The following HPSE2 variants were observed in gnomAD, a reference collection of about 807,000 sequenced individuals.
HPSE2 encodes the protein heparanase 2 (inactive).
Under a neutral mutation model 60.5 loss-of-function variants are expected in HPSE2, and 38 were observed. The observed-to-expected ratio is 0.63, with a 90% CI of 0.48 to 0.82. The LOEUF (loss-of-function observed/expected upper bound fraction) is 0.82. Among genes scored for constraint, HPSE2 ranks in the 40% least tolerant of loss-of-function variants. HPSE2 has a pLI of 0.00. For synonymous variants in HPSE2, 295 were observed against 293.2 expected (o/e 1.01, Z -0.06); for missense variants, 713 against 740.4 (o/e 0.96, Z 0.43).
intron 9 of HPSE2, among the ~76,000 whole-genome samples, chr10:98,585,951 C>CAAA (rs35839169): frequency 8.5e-6 from 1 of 117,084 alleles, no homozygotes; most frequent in South Asian, 2.9e-4. Flanking sequence ...GACTGTGTCT[C>CAAA]AAAAAAAAAA....
intron 1 of HPSE2, among the ~76,000 whole-genome samples, chr10:99,235,048 G>C (rs2862534): frequency 0.88 from 133,243 of 151,748 alleles, 58,722 homozygotes; most frequent in African/African-American, 0.94. Flanking sequence ...GAAAATTCCA[G>C]TTTCGTGCAA....
At chr10:98,719,517 A>G (rs1449665484) in intron 5 of HPSE2, among the ~76,000 whole-genome samples, 8 of 151,914 alleles carry the variant, frequency 5.3e-5, no homozygotes, top group African/African-American at 7.2e-5. Flanking sequence ...ATAAAAGAGT[A>G]GGGTATCTTC....
chr10:99,302,857 G>A, the HPSE2 span, among the ~76,000 whole-genome samples: 49,990 of 150,192 alleles, frequency 0.33, 11,272 homozygotes, highest in African/African-American at 0.65. Context: ...GTACAATATC[G>A]AGGGACATAC....
At chr10:99,130,013 A>G (rs549489244) in intron 3 of HPSE2, among the ~76,000 whole-genome samples, 1 of 152,246 alleles carries the variant, frequency 6.6e-6, no homozygotes, top group African/African-American at 2.4e-5. Flanking sequence ...TTACGTGCAC[A>G]AACTAGAAAA....
the HPSE2 span, among the ~76,000 whole-genome samples, chr10:99,278,103 A>C: frequency 6.6e-6 from 1 of 152,042 alleles, no homozygotes. Context: ...AAAAAAAAAA[A>C]AAAAAAACTG....
At chr10:98,486,771 A>C (rs764409320) in intron 10 of HPSE2, among the ~76,000 whole-genome samples, 7 of 152,182 alleles carry the variant, frequency 4.6e-5, no homozygotes, top group African/African-American at 7.2e-5. Flanking sequence ...ATTGTCTCCA[A>C]ATCTAATTCA....
At chr10:98,791,233 G>C (rs1358419890) in intron 3 of HPSE2, among the ~76,000 whole-genome samples, 3 of 152,096 alleles carry the variant, frequency 2.0e-5, no homozygotes, top group Admixed American at 1.3e-4. Flanking sequence ...GAGGGGGAGG[G>C]AGACTGGCAT....
chr10:98,796,374 C>T (rs370508349), intron 3 of HPSE2, among the ~76,000 whole-genome samples: 5 of 152,192 alleles, frequency 3.3e-5, no homozygotes, highest in African/African-American at 9.7e-5. Flanking sequence ...TGAACATCAG[C>T]AGTGGCCTGG....
chr10:99,215,266 A>C (rs180959116), intron 2 of HPSE2, among the ~76,000 whole-genome samples: 167 of 152,350 alleles, frequency 1.1e-3, no homozygotes, highest in African/African-American at 4.0e-3. Context: ...CATATACACC[A>C]AGGAATACTA....
intron 3 of HPSE2, among the ~76,000 whole-genome samples, chr10:98,836,161 C>G (rs1951785686): frequency 6.6e-6 from 1 of 152,224 alleles, no homozygotes; most frequent in Non-Finnish European, 1.5e-5. Flanking sequence ...AAAGCTCACT[C>G]CCTCTGCTTA....
intron 4 of HPSE2, among the ~76,000 whole-genome samples, chr10:98,729,441 C>T (rs905110844): frequency 3.9e-5 from 6 of 151,992 alleles, no homozygotes; most frequent in Admixed American, 2.0e-4. Context: ...AACCCCATTT[C>T]TGCTAAAAAC....
intron 9 of HPSE2, among the ~76,000 whole-genome samples, chr10:98,610,606 T>C (rs972356832): frequency 3.3e-5 from 5 of 152,328 alleles, no homozygotes; most frequent in African/African-American, 1.2e-4. Context: ...CAAAAAAGCA[T>C]GCTGGCAGTA....
At chr10:99,083,966 CT>C (rs34799799) in intron 3 of HPSE2, among the ~76,000 whole-genome samples, 36,429 of 79,020 alleles carry the variant, frequency 0.46, 8,964 homozygotes, top group Middle Eastern at 0.57. Context: ...GTGTGAAAGC[CT>C]TTTTTTTTTT....
intron 3 of HPSE2, among the ~76,000 whole-genome samples, chr10:99,131,729 T>C (rs1430012864): frequency 6.6e-6 from 1 of 152,098 alleles, no homozygotes; most frequent in Non-Finnish European, 1.5e-5. Flanking sequence ...ACAATGGACT[T>C]TGGAGACTCA....
chr10:99,070,824 C>T (rs1842764434), intron 3 of HPSE2, among the ~76,000 whole-genome samples: 1 of 152,126 alleles, frequency 6.6e-6, no homozygotes, highest in African/African-American at 2.4e-5. Flanking sequence ...CATGTTGCTG[C>T]ATATTTCAAG....
intron 3 of HPSE2, among the ~76,000 whole-genome samples, chr10:99,105,061 T>TAAAAAA (rs56694752): frequency 7.2e-6 from 1 of 138,168 alleles, no homozygotes. Flanking sequence ...TAAAATATAA[T>TAAAAAA]AAAAAAAAAA....
chr10:98,920,428 G>T (rs918162643), intron 3 of HPSE2, among the ~76,000 whole-genome samples: 3 of 152,068 alleles, frequency 2.0e-5, no homozygotes, highest in African/African-American at 7.2e-5. Context: ...CTGCATCTTG[G>T]TGTCTGCTCC....
At chr10:98,779,823 G>T (rs886771894) in intron 3 of HPSE2, among the ~76,000 whole-genome samples, 53 of 152,056 alleles carry the variant, frequency 3.5e-4, no homozygotes, top group African/African-American at 1.1e-3. Context: ...ACCTAATACT[G>T]CCAGTGTTTT....
chr10:98,932,982 T>A (rs1564667201), intron 3 of HPSE2, among the ~76,000 whole-genome samples: 1 of 144,154 alleles, frequency 6.9e-6, no homozygotes, highest in East Asian at 2.0e-4. Flanking sequence ...CTCCCGAGTT[T>A]GGTTATTTCC....
Sources: allele counts gnomAD v4.1 joint callset (sites outside exome capture counted in the v4.1 genomes callset), GRCh38; gene constraint gnomAD v4.1.1; transcripts MANE v1.5; gene names NCBI Gene and HGNC (gene_info 2026-07-23, HGNC 2026-07-21).